Variants in CFAP107 observed in about 807,000 individuals in gnomAD.
CFAP107 encodes cilia and flagella associated protein 107.
the CFAP107 span, among the ~76,000 whole-genome samples, chr1:12,748,035 T>C: frequency 6.6e-6 from 1 of 152,180 alleles, no homozygotes; most frequent in Non-Finnish European, 1.5e-5. Flanking sequence ...ACATTCAAAA[T>C]GAATAGGAAA....
the CFAP107 span, chr1:12,753,216 G>A: frequency 6.6e-6 from 1 of 152,172 alleles, no homozygotes; most frequent in South Asian, 2.1e-4. Flanking sequence ...AAAATATAAA[G>A]AGGACATAAA....
the CFAP107 span, among the ~76,000 whole-genome samples, chr1:12,755,980 C>T: frequency 6.6e-6 from 1 of 152,196 alleles, no homozygotes; most frequent in Non-Finnish European, 1.5e-5. Flanking sequence ...CAATAATTAC[C>T]TGTGTGGGCT....
the CFAP107 span, chr1:12,759,727 G>A: frequency 1.7e-6 from 1 of 579,800 alleles, no homozygotes; most frequent in Admixed American, 2.8e-5. Flanking sequence ...CATGGTGGCG[G>A]GCTTAGAGCA....
the CFAP107 span, chr1:12,755,635 G>C: frequency 2.7e-6 from 3 of 1,095,440 alleles, no homozygotes; most frequent in African/African-American, 4.7e-5. Context: ...AGGAGGTAAG[G>C]GGACCCAGCA....
At chr1:12,748,105 T>C in the CFAP107 span, among the ~76,000 whole-genome samples, 62 of 152,328 alleles carry the variant, frequency 4.1e-4, no homozygotes, top group Non-Finnish European at 7.1e-4. Flanking sequence ...CAGCATAGTC[T>C]GCATTTTAGG....
chr1:12,750,843 T>TG, the CFAP107 span, among the ~76,000 whole-genome samples: 1 of 152,006 alleles, frequency 6.6e-6, no homozygotes, highest in Non-Finnish European at 1.5e-5. Context: ...AGAATACGTG[T>TG]GTTTTTTTTT....
chr1:12,753,035 T>A, the CFAP107 span, among the ~76,000 whole-genome samples: 1 of 152,170 alleles, frequency 6.6e-6, no homozygotes, highest in Non-Finnish European at 1.5e-5. Context: ...ATAAATGAGT[T>A]AAGCAAAGTA....
the CFAP107 span, chr1:12,762,099 C>A: frequency 6.6e-6 from 1 of 152,372 alleles, no homozygotes; most frequent in Middle Eastern, 3.4e-3. Context: ...ATATGACTCC[C>A]AGTATGGGAG....
At chr1:12,756,919 G>T in the CFAP107 span, among the ~76,000 whole-genome samples, 55 of 152,292 alleles carry the variant, frequency 3.6e-4, no homozygotes, top group African/African-American at 1.3e-3. Flanking sequence ...TTTGCATTCT[G>T]CATTTAGGGA....
the CFAP107 span, among the ~76,000 whole-genome samples, chr1:12,757,139 C>G: frequency 1.3e-5 from 2 of 152,148 alleles, no homozygotes; most frequent in Non-Finnish European, 1.5e-5. Context: ...CAGCCTCTAA[C>G]CATCCATGTA....
chr1:12,757,177 GCATTGCAGAA>G, the CFAP107 span, among the ~76,000 whole-genome samples: 1 of 152,124 alleles, frequency 6.6e-6, no homozygotes, highest in Non-Finnish European at 1.5e-5. Context: ...AGTTTTCAGT[GCATTGCAGAA>G]CATTTAGATA....
chr1:12,755,744 A>G, the CFAP107 span: 1 of 1,614,000 alleles, frequency 6.2e-7, no homozygotes. Flanking sequence ...TTTACAGAAA[A>G]GAATACATCC....
the CFAP107 span, among the ~76,000 whole-genome samples, chr1:12,752,972 T>TTTA: frequency 6.6e-6 from 1 of 152,282 alleles, no homozygotes; most frequent in South Asian, 2.1e-4. Context: ...CTCTAATGAT[T>TTTA]TTATATATAG....
the CFAP107 span, among the ~76,000 whole-genome samples, chr1:12,749,334 C>G: frequency 7.0e-3 from 1,073 of 152,300 alleles, 7 homozygotes; most frequent in Middle Eastern, 0.027. Context: ...ATGGGATTGA[C>G]AGATGTGGTG....
the CFAP107 span, among the ~76,000 whole-genome samples, chr1:12,758,803 A>G: frequency 6.6e-6 from 1 of 152,174 alleles, no homozygotes; most frequent in African/African-American, 2.4e-5. Context: ...CAGCTGAGCA[A>G]GCTGTAAATC....
chr1:12,753,781 G>A, the CFAP107 span: 4 of 152,082 alleles, frequency 2.6e-5, no homozygotes, highest in Non-Finnish European at 5.9e-5. Context: ...GAAAACATAG[G>A]GGGCTGGGTG....
the CFAP107 span, chr1:12,746,328 A>AC: frequency 1.2e-6 from 1 of 824,330 alleles, no homozygotes; most frequent in Non-Finnish European, 2.0e-6. Context: ...AGCTGGGAAG[A>AC]CAAAATAGGC....
the CFAP107 span, chr1:12,761,969 C>G: frequency 5.3e-5 from 8 of 152,340 alleles, no homozygotes; most frequent in African/African-American, 1.9e-4. Context: ...AGTGTGCATG[C>G]TCAGTGCTCG....
chr1:12,759,187 C>T, the CFAP107 span: 1 of 1,118,204 alleles, frequency 8.9e-7, no homozygotes, highest in Non-Finnish European at 1.3e-6. Flanking sequence ...TTTGCCAGCC[C>T]ACGGATGCCC....
Sources: allele counts gnomAD v4.1 joint callset (sites outside exome capture counted in the v4.1 genomes callset), GRCh38; gene constraint gnomAD v4.1.1; transcripts MANE v1.5; gene names NCBI Gene and HGNC (gene_info 2026-07-23, HGNC 2026-07-21).